CELSR1: variants seen among roughly 807,000 people sequenced by gnomAD.
CELSR1 encodes adhesion G protein-coupled receptor C1.
Under a neutral mutation model 249.1 loss-of-function variants are expected in CELSR1, and 110 were observed. The observed-to-expected ratio is 0.44, with a 90% CI of 0.38 to 0.52. CELSR1 has a LOEUF of 0.52. Ranked by LOEUF, CELSR1 falls within the 20% of genes least tolerant of loss-of-function variation. The pLI is 0.00. For synonymous variants in CELSR1, 2,113 were observed against 1,900.0 expected, an observed-to-expected ratio of 1.11 and a Z score of -2.92; for missense variants, 4,109 against 4,296.4, an observed-to-expected ratio of 0.96 and a Z score of 1.22.
chr22:46,478,957 G>C (rs2080238898), intron 1 of CELSR1, among the ~76,000 whole-genome samples: 1 of 151,896 alleles, frequency 6.6e-6, no homozygotes, highest in Admixed American at 6.6e-5. Context: ...CGCAGGCCCA[G>C]GGAGTCAGGA....
intron 23 of CELSR1, among the ~76,000 whole-genome samples, chr22:46,378,365 G>A (rs2078940970): frequency 6.6e-6 from 1 of 152,214 alleles, no homozygotes; most frequent in African/African-American, 2.4e-5. Flanking sequence ...CTTTGTTATG[G>A]AAATCCTCAG....
chr22:46,501,295 C>T (rs1432260419), intron 1 of CELSR1, among the ~76,000 whole-genome samples: 1 of 148,962 alleles, frequency 6.7e-6, no homozygotes, highest in Non-Finnish European at 1.5e-5. Context: ...TAACTTCCAC[C>T]TCCCGATTCA....
intron 1 of CELSR1, among the ~76,000 whole-genome samples, chr22:46,491,680 G>C (rs934887531): frequency 2.0e-5 from 3 of 146,860 alleles, no homozygotes; most frequent in African/African-American, 7.5e-5. Flanking sequence ...TGTCACCCAG[G>C]CTGGAGTACA....
rs540029185 is a variant in CELSR1, at chr22:46,394,064, G to T, written c.5964+78C>A. 2.3e-5 allele frequency: 36 copies of T among 1,545,982 alleles called. No individual in the cohort carries two copies. In the African/African-American group the frequency reaches 4.3e-4, roughly 19 times the overall value. On this transcript the variant is annotated intron_variant, in intron 14 of 34. Transcript: ENST00000674500. ...GTGTGTACCGACAGGGTATGTGAAG[G>T]CGTGTGTGTATTTAGGGGCAGCTGT...
At chr22:46,375,073 C>G (rs956574341) in intron 24 of CELSR1, among the ~76,000 whole-genome samples, 1 of 152,188 alleles carries the variant, frequency 6.6e-6, no homozygotes, top group Non-Finnish European at 1.5e-5. Flanking sequence ...TGCCTTCCCT[C>G]TTGAGGTAAG....
At chr22:46,456,520 A>G (rs567127820) in intron 2 of CELSR1, among the ~76,000 whole-genome samples, 27 of 152,098 alleles carry the variant, frequency 1.8e-4, no homozygotes, top group Non-Finnish European at 2.1e-4. Context: ...AAAGTTAGCC[A>G]GGCGTGGTGG....
At chr22:46,520,179 T>C (rs945507964) in intron 1 of CELSR1, among the ~76,000 whole-genome samples, 7 of 152,030 alleles carry the variant, frequency 4.6e-5, no homozygotes, top group African/African-American at 1.7e-4. Context: ...CAGCCCCCTA[T>C]TGCCATTTGT....
At position 46,402,950 on chromosome 22, in the gene CELSR1, A is replaced by G. The variant is rs1299938121; in HGVS notation, c.5227-3048T>C. On this transcript the variant is annotated intron_variant, in intron 9 of 34. Transcript: ENST00000674500. This position sits in a 1 kb window ranked among gnomAD's most constrained non-coding sequence, Gnocchi z 5.0. ...CAGAAAATGTTGAAAGTAAAAGGATAGAAAAAAATACATCATATAAATACC... is the reference window on the plus strand; with the variant it reads ...CAGAAAATGTTGAAAGTAAAAGGATGGAAAAAAATACATCATATAAATACC... 6.6e-6 allele frequency among the ~76,000 whole-genome samples: 1 copy of G among 152,032 alleles called. No individual in the cohort carries two copies. The highest frequency in any genetic ancestry group is 1.5e-5 in the Non-Finnish European group (1 of 68,048).
rs1215939107 is a variant in CELSR1 at position 46,366,368 on chromosome 22, C to G, written c.8300+18G>C. On this transcript the variant is annotated intron_variant, in intron 30 of 34. Coordinates refer to ENST00000674500, the MANE Select transcript of CELSR1 (RefSeq NM_001378328.1). Reference sequence around the variant, plus strand: ...GAGTTCGAGAGCCACCTCCCCGAACCCGGAGCTGCGGCCTGACCTGACGAT... The same window carrying G: ...GAGTTCGAGAGCCACCTCCCCGAACGCGGAGCTGCGGCCTGACCTGACGAT... 6.5e-7 allele frequency: 1 copy of G among 1,539,684 alleles called. No homozygotes were observed. Among genetic ancestry groups the G allele is most frequent in the Non-Finnish European group, 8.8e-7 (1 of 1,139,834 alleles).
At chr22:46,529,970 A>G (rs1223405222) in intron 1 of CELSR1, among the ~76,000 whole-genome samples, 1 of 152,138 alleles carries the variant, frequency 6.6e-6, no homozygotes, top group East Asian at 1.9e-4. Context: ...TGATGTGATC[A>G]TTACACATTG....
In CELSR1 at chr22:46,406,438, C is replaced by A. The variant is rs1395035532; in HGVS notation, c.5226+2558G>T. 1.3e-5 allele frequency among the ~76,000 whole-genome samples: 2 copies of A among 152,234 alleles called. No homozygotes were observed. The highest frequency in any genetic ancestry group is 2.9e-5 in the Non-Finnish European group (2 of 68,040). ...TGGGGAGGAACAGGAGGCTCCCTGT[C>A]CAGGCCTGAGCCCCTGCCCCACAGC... On this transcript the variant is annotated intron_variant, in intron 9 of 34. Transcript: ENST00000674500. This position sits in a 1 kb window ranked among gnomAD's most constrained non-coding sequence, Gnocchi z 5.4.
In CELSR1 at chr22:46,536,931, C is replaced by G. The variant is rs2080864925; in HGVS notation, c.240G>C (p.Ser80=). 2.6e-6 allele frequency: 3 copies of G among 1,164,910 alleles called. No homozygotes were observed. The highest frequency in any genetic ancestry group is 3.2e-6 in the Non-Finnish European group (3 of 946,526). 72.2% of individuals were successfully genotyped at this position (1,164,910 alleles called of 1,614,324 possible). ...GCAGCGGCAGCGGGCGCCCCGCGCC[C>G]GAGACGCGCCGACGTCCTGCCAGCC... ...DGRLAGRRRV[S]GAGRPLPLQV... is the part of the protein sequence containing the mutation. The change falls in exon 1 of 35, where the codon TCG becomes TCC. Residue 80 remains serine, a synonymous_variant. Transcript: ENST00000674500.
intron 1 of CELSR1, among the ~76,000 whole-genome samples, chr22:46,529,292 C>G (rs959853117): frequency 3.9e-5 from 6 of 151,946 alleles, no homozygotes; most frequent in African/African-American, 1.2e-4. Flanking sequence ...GAGATCCTGT[C>G]ATTTGCAACA....
chr22:46,516,620 A>T (rs1041449229), intron 1 of CELSR1, among the ~76,000 whole-genome samples: 5 of 152,116 alleles, frequency 3.3e-5, no homozygotes, highest in African/African-American at 1.2e-4. Flanking sequence ...GATTAGAAGC[A>T]TGAGCCACCA....
In CELSR1 at chr22:46,506,692, C is replaced by A. The variant is rs2080518213; in HGVS notation, c.3544+26935G>T. The stretch of plus-strand genomic sequence containing the variant: ...CCTCCCTACCCGCAGTGACGCACAG[C>A]CGCTGAGACAAGCCCAAATCGAGAG... On this transcript the variant is annotated intron_variant, in intron 1 of 34. Transcript: ENST00000674500. This position sits in a 1 kb window ranked among gnomAD's most constrained non-coding sequence, Gnocchi z 4.1. 6.6e-6 allele frequency among the ~76,000 whole-genome samples: 1 copy of A among 152,210 alleles called. No individual in the cohort carries two copies. The highest frequency in any genetic ancestry group is 6.5e-5 in the Admixed American group (1 of 15,282).
intron 1 of CELSR1, among the ~76,000 whole-genome samples, chr22:46,524,380 G>A (rs1280076103): frequency 1.3e-5 from 2 of 152,294 alleles, no homozygotes; most frequent in South Asian, 2.1e-4. Context: ...TGGGACACGC[G>A]TAAGCCTCCA....
At position 46,460,211 on chromosome 22, in the gene CELSR1, A is replaced by ACACACACACACACC. The variant is rs773925316; in HGVS notation, c.4183+3495_4183+3496insGGTGTGTGTGTGTG. Among the ~76,000 whole-genome samples, 265 of 148,970 alleles carry ACACACACACACACC rather than the reference A, an allele frequency of 1.8e-3. 7 individuals carry two copies. Among genetic ancestry groups the ACACACACACACACC allele is most frequent in the African/African-American group, 6.2e-3 (249 of 39,892 alleles). ...CACACACACACACACACACACACAC[A>ACACACACACACACC]CACACCCATTAGCTACAGTCCCTGC... is the stretch of plus-strand genomic sequence containing the variant. On this transcript the variant is annotated intron_variant, in intron 2 of 34. Coordinates refer to ENST00000674500, the MANE Select transcript of CELSR1 (RefSeq NM_001378328.1).
intron 1 of CELSR1, among the ~76,000 whole-genome samples, chr22:46,483,584 G>A (rs544735030): frequency 6.6e-6 from 1 of 152,096 alleles, no homozygotes; most frequent in African/African-American, 2.4e-5. Context: ...CGGGTGATTG[G>A]ATTTCCTGCC....
chr22:46,537,485 C>T lies in CELSR1; in HGVS notation c.-315G>A, dbSNP rs1046324442. On this transcript the variant is annotated 5_prime_UTR_variant, in exon 1 of 35. Transcript: ENST00000674500. The surrounding 1 kb of genome is among the most constrained non-coding windows in gnomAD (Gnocchi z 5.8). The stretch of plus-strand genomic sequence containing the variant: ...GGCTCCAGGCGGCTCCAGGTGGCTC[C>T]GGCGCGGGCTCGGCCGGACGGGCGT... Among the ~76,000 whole-genome samples the T allele has an allele frequency of 1.6e-3, 244 of 149,380 alleles. 1 individual carries two copies. The highest frequency in any genetic ancestry group is 5.0e-3 in the African/African-American group (207 of 41,224).
Sources: allele counts gnomAD v4.1 joint callset (sites outside exome capture counted in the v4.1 genomes callset), GRCh38; gene constraint gnomAD v4.1.1; non-coding constraint Gnocchi (gnomAD v3.1); transcripts MANE v1.5; gene names NCBI Gene and HGNC (gene_info 2026-07-23, HGNC 2026-07-21).